The following GRID2 variants were observed in gnomAD, a reference collection of about 807,000 sequenced individuals.
GRID2 encodes the protein glutamate ionotropic receptor delta type subunit 2.
In GRID2, 33 loss-of-function variants were observed where a neutral mutation model predicts 114.8. The observed-to-expected ratio is 0.29, with a 90% CI of 0.22 to 0.38. The LOEUF (loss-of-function observed/expected upper bound fraction) is 0.38. Ranked by LOEUF, GRID2 falls within the 10% of genes least tolerant of loss-of-function variation. GRID2 has a pLI of 1.00. For synonymous variants in GRID2, 505 were observed against 449.9 expected, an observed-to-expected ratio of 1.12 and a Z score of -1.55; for missense variants, 1,184 against 1,257.7, an observed-to-expected ratio of 0.94 and a Z score of 0.89.
chr4:92,709,226 TA>T (rs1321746204), intron 2 of GRID2, among the ~76,000 whole-genome samples: 1 of 152,148 alleles, frequency 6.6e-6, no homozygotes, highest in Non-Finnish European at 1.5e-5. Context: ...AAAATATGTG[TA>T]AACCAATACT....
intron 8 of GRID2, among the ~76,000 whole-genome samples, chr4:93,239,073 C>T (rs1248650545): frequency 6.7e-6 from 1 of 149,288 alleles, no homozygotes; most frequent in East Asian, 2.0e-4. Flanking sequence ...AATACAAACG[C>T]CCTTATATAA....
At chr4:92,880,721 T>G (rs2149457029) in intron 2 of GRID2, among the ~76,000 whole-genome samples, 1 of 152,238 alleles carries the variant, frequency 6.6e-6, no homozygotes, top group South Asian at 2.1e-4. Flanking sequence ...ACAGAGATCT[T>G]TCTTCCTTTT....
exon 2 of GRID2, chr4:93,808,595 T>C (rs1271064927): frequency 1.3e-5 from 2 of 152,186 alleles, no homozygotes; most frequent in East Asian, 3.9e-4. Flanking sequence ...TAGTTTCAGA[T>C]GGAAATTCTG....
intron 1 of GRID2, among the ~76,000 whole-genome samples, chr4:92,503,816 AG>A (rs1431038379): frequency 6.6e-6 from 1 of 152,162 alleles, no homozygotes; most frequent in African/African-American, 2.4e-5. Context: ...TAAAGTGCCC[AG>A]GGATCTCTAA....
intron 8 of GRID2, among the ~76,000 whole-genome samples, chr4:93,243,306 T>A (rs543379033): frequency 1.3e-5 from 2 of 152,224 alleles, no homozygotes; most frequent in South Asian, 4.1e-4. Flanking sequence ...GCAGTTCCTT[T>A]GTATAGGTAT....
At chr4:93,081,372 C>G (rs1322075605) in intron 2 of GRID2, among the ~76,000 whole-genome samples, 2 of 151,964 alleles carry the variant, frequency 1.3e-5, no homozygotes, top group Admixed American at 1.3e-4. Context: ...AACAAAGACT[C>G]AAAATATTTA....
At chr4:93,212,930 G>T (rs1296261628) in intron 5 of GRID2, among the ~76,000 whole-genome samples, 1 of 151,728 alleles carries the variant, frequency 6.6e-6, no homozygotes. Flanking sequence ...GTGCCACCAC[G>T]CCTGGCTAAT....
chr4:93,607,141 C>A (rs1740324819), intron 13 of GRID2, among the ~76,000 whole-genome samples: 1 of 151,922 alleles, frequency 6.6e-6, no homozygotes, highest in African/African-American at 2.4e-5. Flanking sequence ...TTTTTTCACA[C>A]CTCCAGCCAT....
At position 92,995,141 on chromosome 4, in the gene GRID2, T is replaced by C. The variant is rs181630841; in HGVS notation, c.245-89854T>C. On this transcript the variant is annotated intron_variant, in intron 2 of 15. Transcript: ENST00000282020. ...CCCTTAGCTCTAGAGACCTCCCTCC[T>C]CTAGTGGGCAGAGACATTTCTTCCT... Among the ~76,000 whole-genome samples, 466 of 152,306 alleles carry C rather than the reference T, an allele frequency of 3.1e-3. 1 individual carries two copies. Among genetic ancestry groups the C allele is most frequent in the African/African-American group, 0.011 (455 of 41,562 alleles).
intron 2 of GRID2, among the ~76,000 whole-genome samples, chr4:92,689,464 A>C (rs1734073778): frequency 6.6e-6 from 1 of 152,212 alleles, no homozygotes. Context: ...GAACTCGACC[A>C]CACAGCAGAA....
chr4:92,498,799 T>C (rs552164797), intron 1 of GRID2, among the ~76,000 whole-genome samples: 68 of 151,748 alleles, frequency 4.5e-4, no homozygotes, highest in African/African-American at 1.5e-3. Flanking sequence ...TCCTCCAAAA[T>C]ATATATTAAT....
intron 13 of GRID2, among the ~76,000 whole-genome samples, chr4:93,578,269 A>G (rs1374010535): frequency 3.9e-5 from 6 of 152,120 alleles, no homozygotes; most frequent in Admixed American, 3.9e-4. Flanking sequence ...TCTTTTAGAA[A>G]CGGTTTCCTG....
In GRID2 at chr4:92,756,901, T is replaced by C. The variant is rs1737745044; in HGVS notation, c.244+166615T>C. On this transcript the variant is annotated intron_variant, in intron 2 of 15. Transcript: ENST00000282020. ...TTTTGCAAATACTTCATTCAACAGT[T>C]TGTCTCTTTATTATGTTGATTGTTT... 2.0e-5 allele frequency among the ~76,000 whole-genome samples: 3 copies of C among 152,202 alleles called. 1 individual carries two copies. The South Asian group carries it at 6.2e-4, about 32-fold the overall frequency.
chr4:92,712,064 A>G (rs1735281644), intron 2 of GRID2, among the ~76,000 whole-genome samples: 2 of 152,290 alleles, frequency 1.3e-5, no homozygotes, highest in South Asian at 4.1e-4. Context: ...AGTGATCATG[A>G]CGGCCGTATT....
intron 1 of GRID2, among the ~76,000 whole-genome samples, chr4:92,492,006 C>G (rs1369213212): frequency 2.6e-5 from 4 of 152,256 alleles, no homozygotes; most frequent in African/African-American, 9.6e-5. Context: ...TGGGCTTTCC[C>G]TGACATCAGT....
chr4:92,576,380 T>A (rs2149197944), intron 1 of GRID2, among the ~76,000 whole-genome samples: 1 of 152,276 alleles, frequency 6.6e-6, no homozygotes, highest in Non-Finnish European at 1.5e-5. Context: ...GAGGGCTCCA[T>A]CTCCTCTCAG....
Position 92,403,057 on chromosome 4 carries a change from T to C in GRID2, c.88+98313T>C, listed in dbSNP as rs185561478. Among the ~76,000 whole-genome samples, 133 of 152,338 alleles carry C rather than the reference T, an allele frequency of 8.7e-4. 1 individual carries two copies. Among genetic ancestry groups the C allele is most frequent in the African/African-American group, 3.0e-3 (125 of 41,598 alleles). On this transcript the variant is annotated intron_variant, in intron 1 of 15. Transcript: ENST00000282020. ...AAGAAGGCTTCTATCTTAATGCTTA[T>C]GAACCAGCCTCTACTGGTTTCCAAC... is the stretch of plus-strand genomic sequence containing the variant.
At chr4:93,697,588 G>C (rs759423109) in intron 14 of GRID2, among the ~76,000 whole-genome samples, 10 of 152,000 alleles carry the variant, frequency 6.6e-5, no homozygotes, top group Non-Finnish European at 1.2e-4. Flanking sequence ...AGAAGATGCA[G>C]TGCCAGATGC....
intron 1 of GRID2, among the ~76,000 whole-genome samples, chr4:93,794,385 C>T (rs559652451): frequency 1.3e-5 from 2 of 152,272 alleles, no homozygotes; most frequent in South Asian, 4.1e-4. Flanking sequence ...TTTAATAACC[C>T]ACACCTACAA....
Sources: allele counts gnomAD v4.1 joint callset (sites outside exome capture counted in the v4.1 genomes callset), GRCh38; gene constraint gnomAD v4.1.1; transcripts MANE v1.5; gene names NCBI Gene and HGNC (gene_info 2026-07-23, HGNC 2026-07-21).